The following CNTNAP2 variants were observed in gnomAD, a reference collection of about 807,000 sequenced individuals.
CNTNAP2 encodes the protein contactin-associated protein-like 2.
CNTNAP2 carries 98 observed loss-of-function variants against 155.2 expected under a neutral mutation model. That is an observed-to-expected ratio of 0.63 (90% confidence interval 0.54 to 0.75). CNTNAP2 has a LOEUF of 0.75. CNTNAP2 is among the 30% of genes least tolerant of loss of function. The probability of loss-of-function intolerance (pLI) is 0.00; values close to 1 mark genes in which losing one functional copy is unlikely to be tolerated. For missense variants in CNTNAP2, 1,727 were observed against 1,688.1 expected (o/e 1.02, Z -0.40); for synonymous variants, 651 against 631.2 (o/e 1.03, Z -0.47).
At chr7:147,561,080 G>T (rs1458386322) in intron 11 of CNTNAP2, among the ~76,000 whole-genome samples, 3 of 151,880 alleles carry the variant, frequency 2.0e-5, no homozygotes, top group African/African-American at 7.3e-5. Context: ...CAGAGAGGTG[G>T]CAATGACCTT....
intron 1 of CNTNAP2, among the ~76,000 whole-genome samples, chr7:146,614,054 C>T (rs1444761752): frequency 6.6e-6 from 1 of 152,136 alleles, no homozygotes; most frequent in Admixed American, 6.5e-5. Flanking sequence ...TTACTACTAT[C>T]TCTTTGATAC....
chr7:146,881,477 T>C (rs1441686681), intron 3 of CNTNAP2, among the ~76,000 whole-genome samples: 2 of 152,136 alleles, frequency 1.3e-5, no homozygotes, highest in African/African-American at 4.8e-5. Context: ...GCCCAGTCTT[T>C]AATTATTCAT....
chr7:147,773,876 G>A lies in CNTNAP2; in HGVS notation c.2099-129689G>A, dbSNP rs146371749. ...TTTAATAATCAACCAGAACCTAAAT[G>A]ACTTGATTCTCACTACCTCTTAAAC... On this transcript the variant is annotated intron_variant, in intron 13 of 23. Transcript: ENST00000361727. Among the ~76,000 whole-genome samples the A allele has an allele frequency of 1.6e-3, 242 of 152,168 alleles. 1 individual carries two copies. The highest frequency in any genetic ancestry group is 5.6e-3 in the African/African-American group (234 of 41,506).
chr7:148,231,350 A>G (rs150363397), intron 20 of CNTNAP2, among the ~76,000 whole-genome samples: 314 of 152,310 alleles, frequency 2.1e-3, no homozygotes, highest in African/African-American at 6.8e-3. Flanking sequence ...GTCTGGTTCT[A>G]TTGCCCAAGA....
At chr7:146,891,890 T>G (rs375764944) in intron 3 of CNTNAP2, among the ~76,000 whole-genome samples, 1 of 152,150 alleles carries the variant, frequency 6.6e-6, no homozygotes, top group South Asian at 2.1e-4. Flanking sequence ...CTGACAATGT[T>G]TGTGATATCA....
At chr7:146,545,234 C>T (rs1394310589) in intron 1 of CNTNAP2, among the ~76,000 whole-genome samples, 1 of 151,748 alleles carries the variant, frequency 6.6e-6, no homozygotes, top group Non-Finnish European at 1.5e-5. Flanking sequence ...TGGGAGTTAT[C>T]AAAATATTTT....
chr7:147,708,667 C>G (rs1236767118), intron 13 of CNTNAP2, among the ~76,000 whole-genome samples: 1 of 152,092 alleles, frequency 6.6e-6, no homozygotes, highest in Non-Finnish European at 1.5e-5. Flanking sequence ...TTGGGGGTCA[C>G]TCACTTACCC....
Position 147,128,706 on chromosome 7 carries a change from G to A in CNTNAP2, c.953G>A (p.Gly318Asp), listed in dbSNP as rs1563086528. ...TTTTTCTCAAAGATAACCTTTGGAGGCATCCCTTTCTCTGGCAAGCCCAGC... is the reference window on the plus strand; with the variant it reads ...TTTTTCTCAAAGATAACCTTTGGAGACATCCCTTTCTCTGGCAAGCCCAGC... The part of the protein sequence containing the change: ...LDLDYEITFG[G>D]IPFSGKPSSS... Residue 318 changes from glycine to aspartate, a missense_variant, in exon 7 of 24, where the codon GGC (glycine) becomes GAC (aspartate). Transcript: ENST00000361727. 5 of 1,613,942 alleles carry A rather than the reference G, an allele frequency of 3.1e-6. No individual in the cohort carries two copies. The highest frequency in any genetic ancestry group is 3.4e-6 in the Non-Finnish European group (4 of 1,179,918).
At chr7:147,850,497 C>G (rs568818082) in intron 13 of CNTNAP2, among the ~76,000 whole-genome samples, 2 of 152,214 alleles carry the variant, frequency 1.3e-5, no homozygotes, top group Admixed American at 1.3e-4. Flanking sequence ...GGAGGCATCA[C>G]ACTACCTGAC....
At chr7:146,344,478 T>A (rs902869248) in intron 1 of CNTNAP2, among the ~76,000 whole-genome samples, 1 of 152,126 alleles carries the variant, frequency 6.6e-6, no homozygotes, top group Admixed American at 6.6e-5. Flanking sequence ...AGCTTTTTTT[T>A]TTTTTCTTTT....
intron 22 of CNTNAP2, among the ~76,000 whole-genome samples, chr7:148,409,046 A>C (rs1487025958): frequency 2.0e-5 from 3 of 152,236 alleles, no homozygotes; most frequent in Non-Finnish European, 4.4e-5. Context: ...TTAAAAGTGG[A>C]TGGGAAGCAG....
chr7:147,862,693 T>C (rs1468065871), intron 13 of CNTNAP2, among the ~76,000 whole-genome samples: 3 of 152,138 alleles, frequency 2.0e-5, no homozygotes, highest in Non-Finnish European at 4.4e-5. Flanking sequence ...TTTGTCATTG[T>C]ACCTTGTAAA....
chr7:146,180,358 AT>A (rs1798532914), intron 1 of CNTNAP2, among the ~76,000 whole-genome samples: 2 of 118,682 alleles, frequency 1.7e-5, no homozygotes, highest in Admixed American at 1.7e-4. Context: ...TTTATCCTTC[AT>A]TTTTCTTTCT....
At chr7:147,200,413 G>C (rs1317622444) in intron 8 of CNTNAP2, among the ~76,000 whole-genome samples, 1 of 152,114 alleles carries the variant, frequency 6.6e-6, no homozygotes, top group Non-Finnish European at 1.5e-5. Flanking sequence ...CATTTTCATG[G>C]ATTCCCTGAG....
At chr7:147,537,513 T>G (rs1365059856) in intron 11 of CNTNAP2, among the ~76,000 whole-genome samples, 1 of 152,124 alleles carries the variant, frequency 6.6e-6, no homozygotes. Flanking sequence ...AAATGCAATA[T>G]GTAATAGTGG....
chr7:147,218,123 T>G (rs1220520547), intron 8 of CNTNAP2, among the ~76,000 whole-genome samples: 1 of 151,946 alleles, frequency 6.6e-6, no homozygotes, highest in Non-Finnish European at 1.5e-5. Flanking sequence ...ATTGATTTCT[T>G]ATTTTCAATT....
chr7:146,374,186 G>GA (rs202099915), intron 1 of CNTNAP2, among the ~76,000 whole-genome samples: 8 of 150,108 alleles, frequency 5.3e-5, no homozygotes, highest in South Asian at 2.1e-4. Flanking sequence ...ATGTGATTAT[G>GA]AAAAAAAAAG....
At chr7:147,024,745 C>G (rs1362468301) in intron 3 of CNTNAP2, among the ~76,000 whole-genome samples, 1 of 152,056 alleles carries the variant, frequency 6.6e-6, no homozygotes, top group Non-Finnish European at 1.5e-5. Flanking sequence ...GGGAGAGAAA[C>G]AAGCATGCAA....
At chr7:147,103,033 TTTC>T (rs1470196429) in intron 4 of CNTNAP2, among the ~76,000 whole-genome samples, 1 of 152,184 alleles carries the variant, frequency 6.6e-6, no homozygotes, top group Admixed American at 6.5e-5. Context: ...ATTCTTGAAA[TTTC>T]TTCCAATCTA....
Sources: gnomAD v4.1 joint callset for allele counts (sites outside exome capture counted in the v4.1 genomes callset) on GRCh38, gnomAD v4.1.1 for gene constraint, MANE v1.5 for transcripts, NCBI Gene and HGNC (gene_info 2026-07-23, HGNC 2026-07-21) for gene names.